Variants in ANGPT2 observed in about 807,000 individuals in gnomAD.
ANGPT2 encodes the protein angiopoietin-2.
A neutral mutation model predicts 62.9 loss-of-function variants in ANGPT2; 28 were observed. That is an observed-to-expected ratio of 0.44 (90% CI 0.33 to 0.61). The LOEUF is 0.61. ANGPT2 is among the 20% of genes least tolerant of loss of function. ANGPT2 has a pLI of 0.03. For synonymous variants in ANGPT2, 284 were observed against 207.8 expected, an observed-to-expected ratio of 1.37 and a Z score of -3.15; for missense variants, 727 against 594.9, an observed-to-expected ratio of 1.22 and a Z score of -2.31.
intron 1 of ANGPT2, among the ~76,000 whole-genome samples, chr8:6,537,341 G>A (rs1343189494): frequency 1.3e-5 from 2 of 152,102 alleles, no homozygotes; most frequent in Non-Finnish European, 2.9e-5. Context: ...TCGGCAAAGT[G>A]TGGGGCCTTG....
chr8:6,501,024 A>G lies in ANGPT2; in HGVS notation c.*2077T>C, dbSNP rs1047972218. 6.6e-6 allele frequency: 1 copy of G among 152,306 alleles called. No homozygotes were observed. Among genetic ancestry groups the G allele is most frequent in the South Asian group, 2.1e-4 (1 of 4,818 alleles). 9.4% of individuals were successfully genotyped at this position (152,306 alleles called of 1,614,324 possible). A position where few individuals can be genotyped will look rare whatever the true frequency, so the allele number is the denominator to read the frequency against. On this transcript the variant is annotated 3_prime_UTR_variant, in exon 9 of 9. Coordinates refer to ENST00000629816, the MANE Select transcript of ANGPT2 (RefSeq NM_001118887.2). ...GAGGCTGTGAAATTTTCTTATTTTC[A>G]GTTGTTTTTCAACTTGATACAAGGC...
At position 6,500,940 on chromosome 8, in the gene ANGPT2, T is replaced by C. The variant is rs2129562842; in HGVS notation, c.*2161A>G. 6.6e-6 allele frequency: 1 copy of C among 152,368 alleles called. No homozygotes were observed. The highest frequency in any genetic ancestry group is 1.5e-5 in the Non-Finnish European group (1 of 68,040). 9.4% of individuals were successfully genotyped at this position (152,368 alleles called of 1,614,324 possible). On this transcript the variant is annotated 3_prime_UTR_variant, in exon 9 of 9. Transcript: ENST00000629816. ...AGTTTTTCCTGCATTAGCGTTTCCCTACCTAAGTATCCATCACTCTTGTCA... is the reference window on the plus strand; with the variant it reads ...AGTTTTTCCTGCATTAGCGTTTCCCCACCTAAGTATCCATCACTCTTGTCA...
chr8:6,532,193 T>C (rs1984857), intron 2 of ANGPT2, 139 bp downstream of exon 2: 396,564 of 1,018,306 alleles, frequency 0.39, 80,032 homozygotes, highest in Non-Finnish European at 0.41. Context: ...ACATCCTTAA[T>C]TTCTTATCAA....
intron 4 of ANGPT2, among the ~76,000 whole-genome samples, chr8:6,520,258 A>G (rs536276656): frequency 6.1e-4 from 93 of 152,344 alleles, no homozygotes; most frequent in African/African-American, 1.7e-3. Flanking sequence ...CTGATGATCA[A>G]TTACATGTAA....
chr8:6,520,883 A>G (rs1817201190), intron 4 of ANGPT2, among the ~76,000 whole-genome samples: 1 of 152,342 alleles, frequency 6.6e-6, no homozygotes, highest in Middle Eastern at 3.4e-3. Context: ...ATAAATGAAT[A>G]TCGGCTGTGG....
rs950648703 is a variant in ANGPT2, at chr8:6,501,215, T to C, written c.*1886A>G. 6.6e-6 allele frequency: 1 copy of C among 152,184 alleles called. No homozygotes were observed. The highest frequency in any genetic ancestry group is 1.9e-4 in the East Asian group (1 of 5,192). The allele number at this position is 152,184 out of a possible 1,614,324, so 9.4% of individuals were successfully genotyped here. On this transcript the variant is annotated 3_prime_UTR_variant, in exon 9 of 9. Coordinates refer to ENST00000629816, the MANE Select transcript of ANGPT2 (RefSeq NM_001118887.2). ...GAGTCCATCATTGACTCCAAATATGTAGCAACACCTGTGTGTTCTAAAACT... is the reference window on the plus strand; with the variant it reads ...GAGTCCATCATTGACTCCAAATATGCAGCAACACCTGTGTGTTCTAAAACT...
At chr8:6,545,813 G>A (rs1263697260) in intron 1 of ANGPT2, among the ~76,000 whole-genome samples, 2 of 152,178 alleles carry the variant, frequency 1.3e-5, no homozygotes, top group African/African-American at 4.8e-5. Flanking sequence ...ATTGCCCATT[G>A]GAATAAATAC....
chr8:6,555,171 A>G (rs1563119354), intron 1 of ANGPT2, among the ~76,000 whole-genome samples: 1 of 152,122 alleles, frequency 6.6e-6, no homozygotes, highest in Non-Finnish European at 1.5e-5. Flanking sequence ...CTTTTTAAGC[A>G]TTAACATAAT....
intron 5 of ANGPT2, among the ~76,000 whole-genome samples, chr8:6,515,060 C>T (rs1815986623): frequency 6.6e-6 from 1 of 151,800 alleles, no homozygotes; most frequent in Admixed American, 6.6e-5. Context: ...CTAAAGACCC[C>T]ACCCTGATGG....
chr8:6,556,879 G>C (rs1824709247), intron 1 of ANGPT2, among the ~76,000 whole-genome samples: 1 of 152,114 alleles, frequency 6.6e-6, no homozygotes, highest in Non-Finnish European at 1.5e-5. Context: ...GTGAGGCACT[G>C]TGCCTGGCTT....
intron 1 of ANGPT2, among the ~76,000 whole-genome samples, chr8:6,534,347 G>A (rs951937284): frequency 6.6e-6 from 1 of 152,172 alleles, no homozygotes; most frequent in Non-Finnish European, 1.5e-5. Context: ...GATGTGTATA[G>A]GTTATATGCA....
chr8:6,516,410 G>C (rs967136856), intron 5 of ANGPT2, among the ~76,000 whole-genome samples: 2 of 152,136 alleles, frequency 1.3e-5, no homozygotes, highest in East Asian at 1.9e-4. Flanking sequence ...TGATATATAG[G>C]ATTTGAATAA....
chr8:6,521,026 T>A, intron 4 of ANGPT2, 152 bp downstream of exon 4: 2 of 620,000 alleles, frequency 3.2e-6, no homozygotes, highest in Non-Finnish European at 5.5e-6. Context: ...ATATTTCCCC[T>A]TCTCTTCTTC....
chr8:6,508,803 G>C (rs1814321446), intron 8 of ANGPT2, 129 bp downstream of exon 8: 2 of 1,289,216 alleles, frequency 1.6e-6, no homozygotes, highest in Non-Finnish European at 2.2e-6. Context: ...CCTATATCAA[G>C]CTAGTGTGTC....
At chr8:6,505,436 ATTC>A (rs1563307090) in intron 8 of ANGPT2, among the ~76,000 whole-genome samples, 1 of 80,446 alleles carries the variant, frequency 1.2e-5, no homozygotes, top group African/African-American at 4.3e-5. Flanking sequence ...GAATATATAT[ATTC>A]TTTATATACA....
chr8:6,552,663 T>C (rs903197545), intron 1 of ANGPT2, among the ~76,000 whole-genome samples: 1 of 152,216 alleles, frequency 6.6e-6, no homozygotes, highest in Admixed American at 6.5e-5. Context: ...CACCCTGTGC[T>C]AGCCATCATC....
chr8:6,509,383 C>G (rs1398997855), intron 7 of ANGPT2, among the ~76,000 whole-genome samples: 1 of 152,208 alleles, frequency 6.6e-6, no homozygotes, highest in Non-Finnish European at 1.5e-5. Flanking sequence ...CAGCACCAGG[C>G]TCCTCCTCCC....
intron 1 of ANGPT2, among the ~76,000 whole-genome samples, chr8:6,533,508 G>T (rs1176262733): frequency 6.7e-6 from 1 of 150,100 alleles, no homozygotes; most frequent in Non-Finnish European, 1.5e-5. Flanking sequence ...TTAAAGAGGG[G>T]TTAAGCTGTG....
chr8:6,539,484 C>A (rs890316468), intron 1 of ANGPT2, among the ~76,000 whole-genome samples: 1 of 152,196 alleles, frequency 6.6e-6, no homozygotes, highest in African/African-American at 2.4e-5. Flanking sequence ...CTTGCCTTCA[C>A]CTGCCCTGAC....
Sources: gnomAD v4.1 joint callset for allele counts (sites outside exome capture counted in the v4.1 genomes callset) on GRCh38, gnomAD v4.1.1 for gene constraint, MANE v1.5 for transcripts, NCBI Gene and HGNC (gene_info 2026-07-23, HGNC 2026-07-21) for gene names.